Variants in TMEM154 observed in about 807,000 individuals in gnomAD.
The protein encoded by TMEM154 is transmembrane protein 154.
Under a neutral mutation model 24.5 loss-of-function variants are expected in TMEM154, and 27 were observed. The observed-to-expected ratio is 1.10, with a 90% CI of 0.81 to 1.52. The LOEUF (loss-of-function observed/expected upper bound fraction) is 1.52, where lower values mean the gene tolerates loss of function less well. Among genes scored for constraint, TMEM154 ranks in the 40% most tolerant of loss-of-function variants. The probability of loss-of-function intolerance (pLI) is 0.00; values close to 1 mark genes in which losing one functional copy is unlikely to be tolerated. For missense variants in TMEM154, 228 were observed against 213.4 expected (o/e 1.07, Z -0.43); for synonymous variants, 67 against 76.8 (o/e 0.87, Z 0.67).
rs116184430 is a variant in TMEM154 at position 152,676,321 on chromosome 4, A to G, written c.64+3549T>C. Among the ~76,000 whole-genome samples the G allele has an allele frequency of 7.3e-3, 1,118 of 152,324 alleles. 11 individuals are homozygous for G. The highest frequency in any genetic ancestry group is 0.025 in the African/African-American group (1,052 of 41,562). On this transcript the variant is annotated intron_variant, in intron 1 of 6. Transcript: ENST00000304385. ...TTCTGTGCTGCACCTACAGCTGGAA[A>G]GGTTCAACAACCACAGTTTTCTAAA...
At chr4:152,668,876 C>T (rs994139188) in intron 1 of TMEM154, 2 of 152,148 alleles carry the variant, frequency 1.3e-5, no homozygotes, top group South Asian at 2.1e-4. Context: ...AATCGTGGGT[C>T]GCATTTCCTT....
intron 4 of TMEM154, 132 bp from the exon 5 acceptor site, chr4:152,643,305 G>T (rs991214052): frequency 1.5e-5 from 10 of 665,706 alleles, no homozygotes; most frequent in South Asian, 3.8e-5. Context: ...GGGAAGCCTG[G>T]GGGCTTGCCC....
In TMEM154 at chr4:152,624,140, C is replaced by T. The variant is rs895470195; in HGVS notation, c.*4406G>A. 1 of 152,124 alleles carries T rather than the reference C, an allele frequency of 6.6e-6. No homozygotes were observed. Among genetic ancestry groups the T allele is most frequent in the Non-Finnish European group, 1.5e-5 (1 of 68,032 alleles). 9.4% of individuals were successfully genotyped at this position (152,124 alleles called of 1,614,324 possible). A position where few individuals can be genotyped will look rare whatever the true frequency, so the allele number is the denominator to read the frequency against. On this transcript the variant is annotated 3_prime_UTR_variant, in exon 7 of 7. Coordinates refer to ENST00000304385, the MANE Select transcript of TMEM154 (RefSeq NM_152680.3). Reference sequence around the variant, plus strand: ...TAACATCTTCATGTTTTCTTAAGCACTTTGGTTTAGAAACTTCTTAAAATA... The same window carrying T: ...TAACATCTTCATGTTTTCTTAAGCATTTTGGTTTAGAAACTTCTTAAAATA...
intron 6 of TMEM154, among the ~76,000 whole-genome samples, chr4:152,631,878 T>G (rs1465831622): frequency 1.4e-5 from 2 of 144,960 alleles, no homozygotes; most frequent in African/African-American, 5.2e-5. Context: ...TATCTCGGCT[T>G]GCTGCAAGCT....
chr4:152,634,097 G>A (rs1305772493), intron 6 of TMEM154, among the ~76,000 whole-genome samples: 1 of 147,938 alleles, frequency 6.8e-6, no homozygotes, highest in Non-Finnish European at 1.5e-5. Flanking sequence ...TATAGTAACA[G>A]GCTGACAAAT....
chr4:152,628,502 C>A lies in TMEM154; in HGVS notation c.*44G>T, dbSNP rs556201468. 6 of 1,526,250 alleles carry A rather than the reference C, an allele frequency of 3.9e-6. No homozygotes were observed. In the South Asian group the frequency reaches 6.7e-5, roughly 17 times the overall value. 94.5% of individuals were successfully genotyped at this position (1,526,250 alleles called of 1,614,324 possible). ...CTCTGTTGGCAGCCTCAGCAGACTC[C>A]CTCAGGGGCTGCTTCTCTTGGAAAA... On this transcript the variant is annotated 3_prime_UTR_variant, in exon 7 of 7. Transcript: ENST00000304385.
chr4:152,669,619 A>G (rs1728786925), intron 1 of TMEM154: 1 of 152,234 alleles, frequency 6.6e-6, no homozygotes, highest in Non-Finnish European at 1.5e-5. Flanking sequence ...TAAACAAATA[A>G]GCAAACAAGT....
chr4:152,670,309 G>A (rs1045812624), intron 1 of TMEM154, among the ~76,000 whole-genome samples: 5 of 152,180 alleles, frequency 3.3e-5, no homozygotes, highest in East Asian at 1.9e-4. Context: ...TTGGGAGGCC[G>A]GGTGCGGTGG....
chr4:152,637,484 G>A (rs1358897864), intron 6 of TMEM154, among the ~76,000 whole-genome samples: 3 of 152,228 alleles, frequency 2.0e-5, no homozygotes, highest in South Asian at 2.1e-4. Flanking sequence ...GGCAGAGGCT[G>A]CAGTTAGCCA....
intron 3 of TMEM154, among the ~76,000 whole-genome samples, chr4:152,647,656 T>C (rs10031635): frequency 0.61 from 92,949 of 152,020 alleles, 28,869 homozygotes; most frequent in African/African-American, 0.71. Flanking sequence ...AACATTCTAA[T>C]GTTCTTTAAT....
chr4:152,674,387 C>T lies in TMEM154; in HGVS notation c.64+5483G>A, dbSNP rs77337802. On this transcript the variant is annotated intron_variant, in intron 1 of 6. Transcript: ENST00000304385. ...GGTCAGCTACCCCAGGCTGATCTTGCCATCATCCTGACACCTGTGGAACCT... is the reference window on the plus strand; with the variant it reads ...GGTCAGCTACCCCAGGCTGATCTTGTCATCATCCTGACACCTGTGGAACCT... Among the ~76,000 whole-genome samples the T allele has an allele frequency of 5.5e-3, 843 of 152,280 alleles. 6 individuals carry two copies. Among genetic ancestry groups the T allele is most frequent in the African/African-American group, 0.02 (814 of 41,558 alleles).
Position 152,644,415 on chromosome 4 carries a change from A to G in TMEM154, c.392T>C (p.Val131Ala), listed in dbSNP as rs776352662. 6.8e-6 allele frequency: 11 copies of G among 1,614,010 alleles called. No homozygotes were observed. Among genetic ancestry groups the G allele is most frequent in the South Asian group, 6.6e-5 (6 of 91,088 alleles). Reference protein sequence around the residue: ...TYELGSENVKVPIFEEDTPSV... With the variant: ...TYELGSENVKAPIFEEDTPSV... ...ATCAGAAGCAGCAGGGAAAACTTAC[A>G]CTTTCACGTTTTCACTTCCCAGTTC... is the stretch of plus-strand genomic sequence containing the variant. The change falls in exon 4 of 7, where the codon GTC becomes GCC. Residue 131 changes from valine (V) to alanine (A), a missense_variant and splice_region_variant. By Grantham distance (64) the Val-to-Ala change is moderately conservative. Coordinates refer to ENST00000304385, the MANE Select transcript of TMEM154 (RefSeq NM_152680.3).
intron 6 of TMEM154, 26 bp from the exon 7 acceptor site, chr4:152,628,587 AAAAAACAAAAAAAAC>A: frequency 2.3e-5 from 24 of 1,048,218 alleles, no homozygotes; most frequent in East Asian, 4.2e-5. Context: ...AAAAAAAAAA[AAAAAACAAAAAAAAC>A]ACACACACAC....
chr4:152,638,426 A>G (rs1752190008), intron 6 of TMEM154, among the ~76,000 whole-genome samples: 1 of 152,226 alleles, frequency 6.6e-6, no homozygotes, highest in African/African-American at 2.4e-5. Context: ...TCCAGAAAGA[A>G]ACCACCAGGG....
At chr4:152,641,688 C>CA (rs1470618176) in intron 5 of TMEM154, among the ~76,000 whole-genome samples, 1 of 133,890 alleles carries the variant, frequency 7.5e-6, no homozygotes, top group East Asian at 2.0e-4. Flanking sequence ...TTGCATTTTC[C>CA]AAATTCTACT....
At chr4:152,628,945 A>T (rs1201290167) in intron 6 of TMEM154, among the ~76,000 whole-genome samples, 1 of 151,960 alleles carries the variant, frequency 6.6e-6, no homozygotes, top group Non-Finnish European at 1.5e-5. Flanking sequence ...GCACCCGGCC[A>T]ACAGTAACAT....
At chr4:152,661,324 CTCTCTCTCTCTCTCT>C (rs1728604226) in intron 1 of TMEM154, among the ~76,000 whole-genome samples, 2 of 148,290 alleles carry the variant, frequency 1.3e-5, no homozygotes, top group South Asian at 2.2e-4. Flanking sequence ...CTCTCTCTCT[CTCTCTCTCTCTCTCT>C]CTCCCCCCAA....
At chr4:152,665,115 G>A (rs900316728) in intron 1 of TMEM154, among the ~76,000 whole-genome samples, 1 of 152,174 alleles carries the variant, frequency 6.6e-6, no homozygotes, top group Admixed American at 6.5e-5. Flanking sequence ...TAGGGAGAAC[G>A]AAGCAGGAGG....
chr4:152,656,857 G>T (rs1317885351), intron 1 of TMEM154, among the ~76,000 whole-genome samples: 2 of 151,926 alleles, frequency 1.3e-5, no homozygotes, highest in East Asian at 1.9e-4. Context: ...GGAGGTGGAG[G>T]TTGCGGTGAG....
Sources: allele counts gnomAD v4.1 joint callset (sites outside exome capture counted in the v4.1 genomes callset), GRCh38; gene constraint gnomAD v4.1.1; transcripts MANE v1.5; gene names NCBI Gene and HGNC (gene_info 2026-07-23, HGNC 2026-07-21).